The following KDM3A variants were observed in gnomAD, a reference collection of about 807,000 sequenced individuals.
The protein encoded by KDM3A is lysine demethylase 3A.
In KDM3A, 60 loss-of-function variants were observed where a neutral mutation model predicts 158.0. The ratio of observed to expected loss-of-function variants is 0.38; its 90% CI spans 0.31 to 0.47. KDM3A has a LOEUF of 0.47. Among genes scored for constraint, KDM3A ranks in the 20% least tolerant of loss-of-function variants. The pLI is 0.99. For synonymous variants in KDM3A, 608 were observed against 549.3 expected (o/e 1.11, Z -1.49); for missense variants, 1,319 against 1,574.3 (o/e 0.84, Z 2.74).
chr2:86,467,482 T>C (rs1212760342), intron 10 of KDM3A: 2 of 152,336 alleles, frequency 1.3e-5, no homozygotes, highest in Admixed American at 6.5e-5. Flanking sequence ...GTCTCTTTGC[T>C]TAAGGGGAGG....
At chr2:86,448,085 G>A (rs919434607) in intron 2 of KDM3A, among the ~76,000 whole-genome samples, 17 of 152,226 alleles carry the variant, frequency 1.1e-4, no homozygotes, top group African/African-American at 4.1e-4. Context: ...AACGTATGTG[G>A]GCCTTGCCAC....
In KDM3A at chr2:86,490,868, G is replaced by C. The variant is rs375343435; in HGVS notation, c.3574-13G>C. Reference sequence around the variant, plus strand: ...ATGTTACTGAGTTGCATAATATTTTGAATGTATTCTAGGTATCAGAAGAGC... The same window carrying C: ...ATGTTACTGAGTTGCATAATATTTTCAATGTATTCTAGGTATCAGAAGAGC... On this transcript the variant is annotated splice_polypyrimidine_tract_variant and intron_variant, in intron 23 of 25. Coordinates refer to ENST00000312912, the MANE Select transcript of KDM3A (RefSeq NM_018433.6). 207 of 1,600,262 alleles carry C rather than the reference G, an allele frequency of 1.3e-4. No individual in the cohort carries two copies. Among genetic ancestry groups the C allele is most frequent in the Non-Finnish European group, 1.7e-4 (201 of 1,173,306 alleles).
In KDM3A at chr2:86,466,695, C is replaced by T; in HGVS notation, c.1331C>T (p.Pro444Leu). ...CTGCAGAAGCACCTAGAACATGCAC[C>T]TTCCCCATCGGATGTTTCAAATGCA... ...PELQKHLEHA[P>L]SPSDVSNAPE... The change falls in exon 10 of 26, where the codon CCT (proline) becomes CTT (leucine). Residue 444 changes from proline to leucine, a missense_variant. Pro to Leu is a moderately conservative substitution (Grantham distance 98, BLOSUM62 -3). Transcript: ENST00000312912. 4 of 1,613,938 alleles carry T rather than the reference C, an allele frequency of 2.5e-6. No homozygotes were observed. Among genetic ancestry groups the T allele is most frequent in the East Asian group, 4.5e-5 (2 of 44,874 alleles).
At chr2:86,478,449 A>G (rs1302606318) in intron 14 of KDM3A, among the ~76,000 whole-genome samples, 159 bp from the exon 15 acceptor site, 1 of 152,224 alleles carries the variant, frequency 6.6e-6, no homozygotes, top group Non-Finnish European at 1.5e-5. Flanking sequence ...GTTTTGTAGT[A>G]GAAAAGAAAA....
intron 12 of KDM3A, among the ~76,000 whole-genome samples, chr2:86,476,551 A>G (rs1265643798): frequency 6.6e-6 from 1 of 151,708 alleles, no homozygotes; most frequent in Non-Finnish European, 1.5e-5. Context: ...TACCCAGAAG[A>G]GTTTACCTCT....
At position 86,456,859 on chromosome 2, in the gene KDM3A, G is replaced by A. The variant is rs765599757; in HGVS notation, c.736G>A (p.Asp246Asn). The change falls in exon 7 of 26, where the codon GAT becomes AAT. Residue 246 changes from aspartate to asparagine, a missense_variant. Transcript: ENST00000312912. ...PSLIHVEVVH[D>N]NLVTCGNSAR... The stretch of plus-strand genomic sequence containing the variant: ...ACTGATTCATGTTGAAGTTGTACAC[G>A]ATAACCTTGTGACATGTGGTAAGAT... 14 of 1,611,114 alleles carry A rather than the reference G, an allele frequency of 8.7e-6. 1 individual carries two copies. Among genetic ancestry groups the A allele is most frequent in the African/African-American group, 4.0e-5 (3 of 74,802 alleles).
rs998387477 is a variant in KDM3A, at chr2:86,485,628, A to G, written c.3183-101A>G. The G allele has an allele frequency of 5.1e-6, 7 of 1,381,822 alleles. No individual in the cohort carries two copies. The East Asian group carries it at 9.4e-5, about 18-fold the overall frequency. The allele number at this position is 1,381,822 out of a possible 1,614,324, so 85.6% of individuals were successfully genotyped here. A position where few individuals can be genotyped will look rare whatever the true frequency, so the allele number is the denominator to read the frequency against. On this transcript the variant is annotated intron_variant, in intron 20 of 25. Coordinates refer to ENST00000312912, the MANE Select transcript of KDM3A (RefSeq NM_018433.6). ...TGGCTGTCAGTCTGCATGATCACAG[A>G]TGGATTTGTTCCTTTTGGTGTAGAA...
At chr2:86,441,979 C>G (rs1682738309) in intron 1 of KDM3A, 39 bp from the exon 2 acceptor site, 5 of 1,551,832 alleles carry the variant, frequency 3.2e-6, no homozygotes, top group Admixed American at 3.4e-5. Flanking sequence ...CCCCTCCCAC[C>G]GGCCGCCCCC....
chr2:86,437,334 G>T (rs1031787918), upstream of KDM3A, among the ~76,000 whole-genome samples: 1 of 152,004 alleles, frequency 6.6e-6, no homozygotes, highest in South Asian at 2.1e-4. Flanking sequence ...TAGCGATGAG[G>T]TCTCACCATG....
At chr2:86,455,979 G>GA (rs1415962934) in intron 5 of KDM3A, among the ~76,000 whole-genome samples, 1 of 143,772 alleles carries the variant, frequency 7.0e-6, no homozygotes, top group Non-Finnish European at 1.5e-5. Context: ...AAAAAGAAAA[G>GA]AAAAAAGATA....
intron 21 of KDM3A, among the ~76,000 whole-genome samples, chr2:86,486,487 G>C (rs1674186167): frequency 6.6e-6 from 1 of 152,124 alleles, no homozygotes; most frequent in African/African-American, 2.4e-5. Flanking sequence ...ATTCGAGTTG[G>C]CCATTTTGAA....
chr2:86,479,629 A>G (rs1239091829), intron 15 of KDM3A: 1 of 152,334 alleles, frequency 6.6e-6, no homozygotes, highest in African/African-American at 2.4e-5. Flanking sequence ...CACTCTTGCC[A>G]GTTTTTAAAA....
rs562038620 is a variant in KDM3A at position 86,471,251 on chromosome 2, A to ATG, written c.1724+849_1724+850dup. On this transcript the variant is annotated intron_variant, in intron 11 of 25. Transcript: ENST00000312912. The stretch of plus-strand genomic sequence containing the variant: ...TGTGTGTGTATGTATATGTGAATAT[A>ATG]TGTGTGTATATATATGTGTATATAT... Among the ~76,000 whole-genome samples, 22 of 151,442 alleles carry ATG rather than the reference A, an allele frequency of 1.5e-4. No individual in the cohort carries two copies. The South Asian group carries it at 4.2e-3, about 29-fold the overall frequency.
Position 86,472,208 on chromosome 2 carries a change from T to A in KDM3A, c.1724+1800T>A, listed in dbSNP as rs565317850. ...CATTTTTGTAACAGTCTAGAAGTCA[T>A]TGACTTTATGACTTAGCTGTTTTTT... On this transcript the variant is annotated intron_variant, in intron 11 of 25. Transcript: ENST00000312912. Among the ~76,000 whole-genome samples the A allele has an allele frequency of 9.2e-5, 14 of 152,180 alleles. No homozygotes were observed. The East Asian group carries it at 2.7e-3, about 29-fold the overall frequency.
chr2:86,477,861 T>G lies in KDM3A; in HGVS notation c.1940-16T>G, dbSNP rs1384081511. The G allele has an allele frequency of 6.3e-7, 1 of 1,585,134 alleles. No homozygotes were observed. Among genetic ancestry groups the G allele is most frequent in the Admixed American group, 1.7e-5 (1 of 57,252 alleles). On this transcript the variant is annotated splice_polypyrimidine_tract_variant and intron_variant, in intron 12 of 25. Transcript: ENST00000312912. ...CCTCTCCTTCCAAAGACTAAGTGAT[T>G]TACTGATTTTTGCAGGACAGGTTGC...
rs769622278 is a variant in KDM3A, at chr2:86,475,008, G to A, written c.1939+18G>A. 1 of 1,593,128 alleles carries A rather than the reference G, an allele frequency of 6.3e-7. No homozygotes were observed. The highest frequency in any genetic ancestry group is 8.6e-7 in the Non-Finnish European group (1 of 1,164,790). Reference sequence around the variant, plus strand: ...GCCACACAGTAAGAGCATCTCTTAGGGGGTAGGATTTTCGAGCCCAATTTG... The same window carrying A: ...GCCACACAGTAAGAGCATCTCTTAGAGGGTAGGATTTTCGAGCCCAATTTG... On this transcript the variant is annotated intron_variant, in intron 12 of 25. Transcript: ENST00000312912.
At chr2:86,461,702 T>A (rs1672937625) in intron 8 of KDM3A, among the ~76,000 whole-genome samples, 1 of 151,850 alleles carries the variant, frequency 6.6e-6, no homozygotes, top group Non-Finnish European at 1.5e-5. Context: ...TCAGAAAGAG[T>A]AATCAGAAAT....
At chr2:86,463,781 T>C (rs1673020480) in intron 8 of KDM3A, among the ~76,000 whole-genome samples, 1 of 152,206 alleles carries the variant, frequency 6.6e-6, no homozygotes, top group Admixed American at 6.5e-5. Context: ...ACCTGACTGT[T>C]TTCCTGGCAC....
At position 86,466,888 on chromosome 2, in the gene KDM3A, G is replaced by C. The variant is rs773479952; in HGVS notation, c.1519+5G>C. On this transcript the variant is annotated splice_donor_5th_base_variant and intron_variant, in intron 10 of 25. Transcript: ENST00000312912. ...GCAACAATAAAATCCAGAATGGTGA[G>C]TGTTTCTCAATATCTTTATTGGTAG... 3.2e-6 allele frequency: 5 copies of C among 1,580,734 alleles called. No homozygotes were observed. The highest frequency in any genetic ancestry group is 3.4e-6 in the Non-Finnish European group (4 of 1,165,340).
Sources: gnomAD v4.1 joint callset for allele counts (sites outside exome capture counted in the v4.1 genomes callset) on GRCh38, gnomAD v4.1.1 for gene constraint, MANE v1.5 for transcripts, NCBI Gene and HGNC (gene_info 2026-07-23, HGNC 2026-07-21) for gene names.